The following CCDC91 variants were observed in gnomAD, a reference collection of about 807,000 sequenced individuals.
CCDC91 encodes coiled-coil domain-containing protein 91.
In CCDC91, 48 loss-of-function variants were observed where a neutral mutation model predicts 63.2. The ratio of observed to expected loss-of-function variants is 0.76; its 90% CI spans 0.60 to 0.97. The LOEUF (loss-of-function observed/expected upper bound fraction) is 0.97, where lower values mean the gene tolerates loss of function less well. Ranked by LOEUF, CCDC91 falls within the 50% of genes least tolerant of loss-of-function variation. CCDC91 has a pLI of 0.00. For synonymous variants in CCDC91, 167 were observed against 165.8 expected (o/e 1.01, Z -0.06); for missense variants, 500 against 494.6 (o/e 1.01, Z -0.10).
At chr12:28,212,997 G>A (rs1943331300) in intron 1 of CCDC91, among the ~76,000 whole-genome samples, 1 of 152,144 alleles carries the variant, frequency 6.6e-6, no homozygotes, top group South Asian at 2.1e-4. Context: ...TTTATTGATT[G>A]GGAAGGAATG....
intron 11 of CCDC91, among the ~76,000 whole-genome samples, chr12:28,483,048 G>A (rs1951532311): frequency 1.3e-5 from 2 of 151,868 alleles, no homozygotes; most frequent in Non-Finnish European, 2.9e-5. Context: ...GTATATATAT[G>A]TGTGTCTTTC....
intron 6 of CCDC91, among the ~76,000 whole-genome samples, chr12:28,321,814 A>G (rs1940531541): frequency 6.6e-6 from 1 of 151,916 alleles, no homozygotes; most frequent in Non-Finnish European, 1.5e-5. Flanking sequence ...TATTAGCCGA[A>G]CAGTCTAACA....
chr12:28,244,494 CTTTTTTTTTTTTTT>C lies in CCDC91; in HGVS notation c.-14-12689_-14-12676del, dbSNP rs3064681. Among the ~76,000 whole-genome samples, 19 of 38,428 alleles carry C rather than the reference CTTTTTTTTTTTTTT, an allele frequency of 4.9e-4. No homozygotes were observed. In the Admixed American group the frequency reaches 5.0e-3, roughly 10 times the overall value. The allele number at this position is 38,428 out of a possible 152,430, so 25.2% of individuals were successfully genotyped here. A position where few individuals can be genotyped will look rare whatever the true frequency, so the allele number is the denominator to read the frequency against. The stretch of plus-strand genomic sequence containing the variant: ...GAAACTTGGACAATGTAGAAGAAGG[CTTTTTTTTTTTTTT>C]TTTTTTTTTTTTTTTTTTACAGCTC... On this transcript the variant is annotated intron_variant, in intron 1 of 12. Coordinates refer to ENST00000536442, the MANE Select transcript of CCDC91 (RefSeq NM_018318.5).
At chr12:28,460,239 A>G (rs753416696) in intron 11 of CCDC91, among the ~76,000 whole-genome samples, 1 of 152,244 alleles carries the variant, frequency 6.6e-6, no homozygotes, top group East Asian at 1.9e-4. Context: ...GAACTGAAGA[A>G]GTTTGCCTCC....
At chr12:28,474,368 G>A (rs1011731147) in intron 11 of CCDC91, among the ~76,000 whole-genome samples, 18 of 151,870 alleles carry the variant, frequency 1.2e-4, no homozygotes, top group African/African-American at 4.1e-4. Flanking sequence ...CACTATGATG[G>A]GATGAGAATC....
At chr12:28,301,329 A>G (rs1015010751) in intron 3 of CCDC91, among the ~76,000 whole-genome samples, 161 of 151,674 alleles carry the variant, frequency 1.1e-3, no homozygotes, top group African/African-American at 3.5e-3. Flanking sequence ...ATAATCATAT[A>G]ATTTTTTTTA....
At chr12:28,318,825 A>G (rs1940182678) in intron 6 of CCDC91, among the ~76,000 whole-genome samples, 1 of 151,976 alleles carries the variant, frequency 6.6e-6, no homozygotes, top group Non-Finnish European at 1.5e-5. Flanking sequence ...AAAATCTACA[A>G]ACTAATTGAT....
chr12:28,421,597 T>C (rs1948017344), intron 8 of CCDC91, among the ~76,000 whole-genome samples: 1 of 151,856 alleles, frequency 6.6e-6, no homozygotes, highest in Admixed American at 6.6e-5. Context: ...TTCCATGGTG[T>C]ATATGTCTGT....
chr12:28,209,807 T>C lies in CCDC91; in HGVS notation c.-15+19166T>C, dbSNP rs77226295. Among the ~76,000 whole-genome samples the C allele has an allele frequency of 8.8e-3, 1,289 of 146,310 alleles. 20 individuals are homozygous for C. Among genetic ancestry groups the C allele is most frequent in the African/African-American group, 0.03 (1,200 of 40,184 alleles). On this transcript the variant is annotated intron_variant, in intron 1 of 12. Transcript: ENST00000536442. ...AATTTTAAACAATCCTTTAACCCTT[T>C]AAACTTTGCAAAAATTTACATCCCA...
At chr12:28,416,878 A>C (rs531682872) in intron 8 of CCDC91, among the ~76,000 whole-genome samples, 4 of 152,324 alleles carry the variant, frequency 2.6e-5, no homozygotes, top group East Asian at 3.9e-4. Context: ...AGTATTATGT[A>C]TATGAATATA....
chr12:28,334,413 C>A lies in CCDC91; in HGVS notation c.576+26664C>A, dbSNP rs542489815. On this transcript the variant is annotated intron_variant, in intron 6 of 12. Coordinates refer to ENST00000536442, the MANE Select transcript of CCDC91 (RefSeq NM_018318.5). The stretch of plus-strand genomic sequence containing the variant: ...TTGGCATTATATTAATAGGTAAAAA[C>A]CTCTTTTCTCTAAAGAGTTCAGGTG... Among the ~76,000 whole-genome samples, 498 of 152,098 alleles carry A rather than the reference C, an allele frequency of 3.3e-3. 7 individuals are homozygous for A. The highest frequency in any genetic ancestry group is 0.011 in the African/African-American group (463 of 41,488).
At chr12:28,385,285 G>C (rs898533072) in intron 7 of CCDC91, among the ~76,000 whole-genome samples, 1 of 151,984 alleles carries the variant, frequency 6.6e-6, no homozygotes, top group Non-Finnish European at 1.5e-5. Flanking sequence ...ATAATTACAG[G>C]TATAATCAAC....
chr12:28,228,644 C>T (rs1292988570), intron 1 of CCDC91, among the ~76,000 whole-genome samples: 3 of 152,092 alleles, frequency 2.0e-5, no homozygotes, highest in Non-Finnish European at 4.4e-5. Flanking sequence ...CTACCTTTAA[C>T]TTTCATTTGT....
chr12:28,441,417 A>G (rs537668123), intron 8 of CCDC91, among the ~76,000 whole-genome samples: 6 of 152,204 alleles, frequency 3.9e-5, no homozygotes, highest in African/African-American at 1.2e-4. Context: ...CTTTATTCAC[A>G]GTAGCCAATA....
intron 12 of CCDC91, among the ~76,000 whole-genome samples, chr12:28,489,376 C>G (rs957370325): frequency 6.6e-6 from 1 of 151,724 alleles, no homozygotes; most frequent in African/African-American, 2.4e-5. Context: ...TGACACTTCC[C>G]TAGGGAGGAA....
chr12:28,459,795 G>A (rs574212572), intron 11 of CCDC91, among the ~76,000 whole-genome samples: 7 of 152,184 alleles, frequency 4.6e-5, no homozygotes, highest in South Asian at 4.2e-4. Flanking sequence ...CTGGTCAAAC[G>A]GAAGCATTAC....
intron 3 of CCDC91, among the ~76,000 whole-genome samples, chr12:28,294,078 T>G (rs1949404572): frequency 6.6e-6 from 1 of 152,200 alleles, no homozygotes; most frequent in South Asian, 2.1e-4. Flanking sequence ...TCTTCTAGTT[T>G]GTGAAATTTT....
intron 7 of CCDC91, among the ~76,000 whole-genome samples, chr12:28,381,472 T>C (rs1467706075): frequency 6.6e-6 from 1 of 152,094 alleles, no homozygotes; most frequent in Non-Finnish European, 1.5e-5. Flanking sequence ...TTTGCTCCCA[T>C]TGGTATTTGG....
chr12:28,207,427 G>T (rs1161707550), intron 1 of CCDC91, among the ~76,000 whole-genome samples: 1 of 152,162 alleles, frequency 6.6e-6, no homozygotes, highest in Non-Finnish European at 1.5e-5. Context: ...AGAAGATCCA[G>T]TCTTTGGATT....
Sources: allele counts gnomAD v4.1 joint callset (sites outside exome capture counted in the v4.1 genomes callset), GRCh38; gene constraint gnomAD v4.1.1; transcripts MANE v1.5; gene names NCBI Gene and HGNC (gene_info 2026-07-23, HGNC 2026-07-21).